Variants in FRRS1 observed in about 807,000 individuals in gnomAD.
FRRS1 encodes the protein ferric reductase 1.
FRRS1 carries 51 observed loss-of-function variants against 70.7 expected under a neutral mutation model. The observed-to-expected ratio is 0.72, with a 90% CI of 0.58 to 0.91. FRRS1 has a LOEUF of 0.91. Ranked by LOEUF, FRRS1 falls within the 40% of genes least tolerant of loss-of-function variation. The pLI is 0.00. For synonymous variants in FRRS1, 225 were observed against 238.7 expected (o/e 0.94, Z 0.53); for missense variants, 672 against 726.0 (o/e 0.93, Z 0.86).
At chr1:99,728,065 T>G (rs1461095158) in intron 9 of FRRS1, among the ~76,000 whole-genome samples, 1 of 152,104 alleles carries the variant, frequency 6.6e-6, no homozygotes, top group Non-Finnish European at 1.5e-5. Context: ...TAGAGAAAGC[T>G]CAGGTCTAAG....
At chr1:99,761,044 A>C (rs980588368) in intron 1 of FRRS1, among the ~76,000 whole-genome samples, 5 of 152,152 alleles carry the variant, frequency 3.3e-5, no homozygotes, top group Non-Finnish European at 7.3e-5. Context: ...AAACAAAGTA[A>C]TTTGAAACTC....
chr1:99,732,320 T>C (rs1431091495), intron 7 of FRRS1, among the ~76,000 whole-genome samples: 1 of 152,156 alleles, frequency 6.6e-6, no homozygotes, highest in African/African-American at 2.4e-5. Flanking sequence ...TCTCCCCAGT[T>C]TGCCCCTCTC....
rs1199201307 is a variant in FRRS1, at chr1:99,703,998, T to C, written c.*5030A>G. ...TGCGTCTGCTTTATTTTATTCAGCA[T>C]AATGTTTTCAAGATGAATATCAAAT... On this transcript the variant is annotated 3_prime_UTR_variant, in exon 17 of 17. Coordinates refer to ENST00000646001, the MANE Select transcript of FRRS1 (RefSeq NM_001361041.2). Among the ~76,000 whole-genome samples, 1 of 152,214 alleles carries C rather than the reference T, an allele frequency of 6.6e-6. No individual in the cohort carries two copies. Among genetic ancestry groups the C allele is most frequent in the Non-Finnish European group, 1.5e-5 (1 of 68,020 alleles).
chr1:99,712,045 C>T, intron 14 of FRRS1, 60 bp downstream of exon 14: 1 of 1,187,584 alleles, frequency 8.4e-7, no homozygotes, highest in Non-Finnish European at 1.2e-6. Context: ...AGCCAAATTA[C>T]AACTTGTAAT....
chr1:99,742,830 C>CT (rs1213437870), intron 4 of FRRS1, among the ~76,000 whole-genome samples: 3 of 152,180 alleles, frequency 2.0e-5, no homozygotes, highest in African/African-American at 7.2e-5. Flanking sequence ...TTCCCACTCA[C>CT]TGTGTATGCT....
intron 8 of FRRS1, 141 bp from the exon 9 acceptor site, chr1:99,728,781 A>C: frequency 1.7e-6 from 1 of 576,310 alleles, no homozygotes; most frequent in Non-Finnish European, 2.9e-6. Flanking sequence ...TTGTTTTTCC[A>C]CTTCCTCTTT....
intron 14 of FRRS1, among the ~76,000 whole-genome samples, chr1:99,711,802 TG>T (rs764238910): frequency 3.9e-5 from 6 of 152,208 alleles, no homozygotes; most frequent in Non-Finnish European, 5.9e-5. Context: ...ACCCTCAATT[TG>T]AGCTACTCAA....
chr1:99,754,730 C>T (rs1016115144), intron 1 of FRRS1, among the ~76,000 whole-genome samples: 1 of 152,114 alleles, frequency 6.6e-6, no homozygotes, highest in East Asian at 1.9e-4. Flanking sequence ...AGAATAAATT[C>T]GTGGGATGCC....
intron 1 of FRRS1, among the ~76,000 whole-genome samples, chr1:99,759,141 T>G (rs938322654): frequency 1.3e-5 from 2 of 152,178 alleles, no homozygotes; most frequent in South Asian, 2.1e-4. Context: ...TAGACCCTTA[T>G]TAGTAGTTCT....
chr1:99,749,163 G>A (rs1472911608), intron 1 of FRRS1, among the ~76,000 whole-genome samples, 162 bp from the exon 2 acceptor site: 1 of 152,080 alleles, frequency 6.6e-6, no homozygotes, highest in Admixed American at 6.5e-5. Flanking sequence ...AGCTTCCCCA[G>A]TAGCTGAGAA....
chr1:99,710,887 A>G lies in FRRS1; in HGVS notation c.1543T>C (p.Tyr515His). ...GLNLPDSWKTYAMTGFVAWHV... is the reference protein window; with the variant it reads ...GLNLPDSWKTHAMTGFVAWHV... Reference sequence around the variant, plus strand: ...CAGGCTACGAATCCGGTCATTGCATAGGTTTTCCATGAATCAGGAAGATTC... The same window carrying G: ...CAGGCTACGAATCCGGTCATTGCATGGGTTTTCCATGAATCAGGAAGATTC... Residue 515 changes from tyrosine to histidine, a missense_variant, in exon 15 of 17, where the codon TAT (tyrosine) becomes CAT (histidine). By Grantham distance (83) the Tyr-to-His change is moderately conservative (BLOSUM62 2). Transcript: ENST00000646001. The G allele has an allele frequency of 6.2e-7, 1 of 1,614,020 alleles. No homozygotes were observed. The highest frequency in any genetic ancestry group is 8.5e-7 in the Non-Finnish European group (1 of 1,179,880).
chr1:99,712,807 C>T (rs530077850), intron 12 of FRRS1, among the ~76,000 whole-genome samples: 1 of 152,300 alleles, frequency 6.6e-6, no homozygotes, highest in Non-Finnish European at 1.5e-5. Context: ...TGTCCAAGGT[C>T]ACAGAGTATG....
Position 99,717,493 on chromosome 1 carries a change from C to CAGT in FRRS1, c.1150_1152dup (p.Thr384dup). The stretch of plus-strand genomic sequence containing the variant: ...CGGGCAACCAGTACACCTATGCTAA[C>CAGT]AGTAGTCATCCATGCCACAAACATT... On this transcript the variant is annotated inframe_insertion, in exon 11 of 17. Coordinates refer to ENST00000646001, the MANE Select transcript of FRRS1 (RefSeq NM_001361041.2). 6.2e-7 allele frequency: 1 copy of CAGT among 1,613,916 alleles called. No individual in the cohort carries two copies. Among genetic ancestry groups the CAGT allele is most frequent in the Non-Finnish European group, 8.5e-7 (1 of 1,179,818 alleles).
At chr1:99,750,163 G>T (rs542195460) in intron 1 of FRRS1, among the ~76,000 whole-genome samples, 4 of 152,256 alleles carry the variant, frequency 2.6e-5, no homozygotes, top group African/African-American at 7.2e-5. Flanking sequence ...TCACTTAAGT[G>T]GGGGAAGAAC....
At chr1:99,755,767 C>A (rs945472964) in intron 1 of FRRS1, among the ~76,000 whole-genome samples, 4 of 152,008 alleles carry the variant, frequency 2.6e-5, no homozygotes, top group Admixed American at 2.0e-4. Flanking sequence ...TTTAGAAAAG[C>A]AAAGTGGAAA....
intron 1 of FRRS1, among the ~76,000 whole-genome samples, chr1:99,765,100 A>C (rs996459524): frequency 1.3e-5 from 2 of 152,244 alleles, no homozygotes; most frequent in Non-Finnish European, 2.9e-5. Flanking sequence ...ATCCAATATT[A>C]AAAAAGCTGA....
At chr1:99,740,720 TC>T in intron 6 of FRRS1, 72 bp downstream of exon 6, 1 of 1,015,084 alleles carries the variant, frequency 9.9e-7, no homozygotes, top group Non-Finnish European at 1.5e-6. Flanking sequence ...TCACTTGAGC[TC>T]AGGAGTTCGA....
At chr1:99,721,829 C>T (rs924506353) in intron 9 of FRRS1, among the ~76,000 whole-genome samples, 4 of 151,812 alleles carry the variant, frequency 2.6e-5, no homozygotes, top group African/African-American at 9.7e-5. Flanking sequence ...GAACTCCTGA[C>T]CTCATGATCC....
In FRRS1 at chr1:99,710,883, G is replaced by T; in HGVS notation, c.1547C>A (p.Ala516Glu). The T allele has an allele frequency of 1.9e-6, 3 of 1,613,844 alleles. No homozygotes were observed. Among genetic ancestry groups the T allele is most frequent in the Non-Finnish European group, 2.5e-6 (3 of 1,179,784 alleles). The change falls in exon 15 of 17, where the codon GCA becomes GAA. Residue 516 changes from alanine (A) to glutamate (E), a missense_variant. Transcript: ENST00000646001. ...LNLPDSWKTY[A>E]MTGFVAWHVG... ...ATGCCAGGCTACGAATCCGGTCATT[G>T]CATAGGTTTTCCATGAATCAGGAAG...
Sources: allele counts gnomAD v4.1 joint callset (sites outside exome capture counted in the v4.1 genomes callset), GRCh38; gene constraint gnomAD v4.1.1; transcripts MANE v1.5; gene names NCBI Gene and HGNC (gene_info 2026-07-23, HGNC 2026-07-21).